Variants in FCRL6 observed in about 807,000 individuals in gnomAD.
FCRL6 encodes the protein Fc receptor like 6, also known as Fc receptor-like protein 6.
A neutral mutation model predicts 49.1 loss-of-function variants in FCRL6; 50 were observed. The observed-to-expected ratio is 1.02, with a 90% CI of 0.81 to 1.29. The LOEUF is 1.29. FCRL6 is among the 50% of genes most tolerant of loss of function. The pLI is 0.00. For synonymous variants in FCRL6, 213 were observed against 199.6 expected, an observed-to-expected ratio of 1.07 and a Z score of -0.57; for missense variants, 571 against 518.5, an observed-to-expected ratio of 1.10 and a Z score of -0.98.
chr1:159,801,040 G>T (rs183016802), upstream of FCRL6, among the ~76,000 whole-genome samples: 299 of 152,252 alleles, frequency 2.0e-3, no homozygotes, highest in African/African-American at 6.9e-3. Context: ...AAAAAAGAAA[G>T]AAAAGAAACA....
rs570974371 is a variant in FCRL6 at position 159,816,140 on chromosome 1, G to A, written c.*479G>A. The A allele has an allele frequency of 1.7e-5, 3 of 174,874 alleles. No homozygotes were observed. The highest frequency in any genetic ancestry group is 5.4e-5 in the Admixed American group (1 of 18,536). The allele number at this position is 174,874 out of a possible 1,614,324, so 10.8% of individuals were successfully genotyped here. On this transcript the variant is annotated 3_prime_UTR_variant, in exon 10 of 10. Coordinates refer to ENST00000368106, the MANE Select transcript of FCRL6 (RefSeq NM_001004310.3). ...AACACATTTCTCACGCGTTTGTGGT[G>A]ATGCTGGTACAAACAAGCTACAGCG...
chr1:159,804,960 C>A (rs150387703), intron 1 of FCRL6, among the ~76,000 whole-genome samples: 1 of 152,126 alleles, frequency 6.6e-6, no homozygotes, highest in Non-Finnish European at 1.5e-5. Flanking sequence ...CACAACTACA[C>A]TGTAAGAAAA....
intron 6 of FCRL6, among the ~76,000 whole-genome samples, chr1:159,813,045 G>A (rs1472194050): frequency 6.6e-6 from 1 of 152,184 alleles, no homozygotes; most frequent in Non-Finnish European, 1.5e-5. Flanking sequence ...ACCATTAGAC[G>A]CCAAAGAATT....
intron 2 of FCRL6, 129 bp downstream of exon 2, chr1:159,806,745 C>T: frequency 2.1e-6 from 2 of 935,856 alleles, no homozygotes; most frequent in Non-Finnish European, 3.5e-6. Context: ...AGGCCCCTTC[C>T]TCAGGAGTCT....
intron 1 of FCRL6, among the ~76,000 whole-genome samples, chr1:159,804,392 T>C (rs1439211031): frequency 1.3e-5 from 2 of 152,240 alleles, no homozygotes; most frequent in Non-Finnish European, 2.9e-5. Context: ...GATAAATATC[T>C]CCCGATCCCT....
chr1:159,812,927 T>A (rs1005943466), intron 6 of FCRL6, among the ~76,000 whole-genome samples: 1 of 152,222 alleles, frequency 6.6e-6, no homozygotes, highest in African/African-American at 2.4e-5. Flanking sequence ...ATTAAGATTC[T>A]GTCTCCACTA....
intron 8 of FCRL6, among the ~76,000 whole-genome samples, 197 bp from the exon 9 acceptor site, chr1:159,815,231 G>A (rs970533246): frequency 6.6e-6 from 1 of 152,208 alleles, no homozygotes; most frequent in African/African-American, 2.4e-5. Context: ...AGGACCTGAG[G>A]TCACACAGCT....
intron 8 of FCRL6, 77 bp from the exon 9 acceptor site, chr1:159,815,351 C>A: frequency 6.6e-7 from 1 of 1,508,676 alleles, no homozygotes; most frequent in Admixed American, 1.9e-5. Flanking sequence ...GGAAGATAGC[C>A]AGCCAGGAGG....
chr1:159,804,558 C>G (rs1217985790), intron 1 of FCRL6, among the ~76,000 whole-genome samples: 2 of 152,248 alleles, frequency 1.3e-5, no homozygotes, highest in East Asian at 3.8e-4. Flanking sequence ...ATGGAGGTCC[C>G]TGGGCCCTCA....
intron 1 of FCRL6, 22 bp from the exon 2 acceptor site, chr1:159,806,574 G>T (rs1571093955): frequency 2.5e-6 from 4 of 1,611,032 alleles, no homozygotes; most frequent in Non-Finnish European, 3.4e-6. Flanking sequence ...TAACCTAATT[G>T]TGTTACTTTG....
At chr1:159,804,793 A>AGCACTTTGTAGCT (rs1662571506) in intron 1 of FCRL6, among the ~76,000 whole-genome samples, 2 of 152,164 alleles carry the variant, frequency 1.3e-5, no homozygotes, top group African/African-American at 2.4e-5. Flanking sequence ...CTGTTTGTTT[A>AGCACTTTGTAGCT]GCACTTTGTA....
At chr1:159,806,558 G>A (rs759323376) in intron 1 of FCRL6, 38 bp from the exon 2 acceptor site, 1 of 1,602,674 alleles carries the variant, frequency 6.2e-7, no homozygotes, top group Non-Finnish European at 8.6e-7. Context: ...AGCTCTTTTT[G>A]CTACTTAACC....
rs147235429 is a variant in FCRL6, at chr1:159,808,980, G to A, written c.339G>A (p.Val113=). The change falls in exon 4 of 10, where the codon GTG becomes GTA. Residue 113 remains valine (V), a synonymous_variant. Coordinates refer to ENST00000368106, the MANE Select transcript of FCRL6 (RefSeq NM_001004310.3). ...CCCCAGAGCTGTTTCCACCTCCTGT[G>A]CTGAGTGCCATCCCCTCTCCTGAGC... ...VQVQELFPPP[V]LSAIPSPEPR... 1.5e-4 allele frequency: 234 copies of A among 1,611,476 alleles called. No homozygotes were observed. Among genetic ancestry groups the A allele is most frequent in the Non-Finnish European group, 1.9e-4 (224 of 1,178,614 alleles).
rs1303485140 is a variant in FCRL6, at chr1:159,810,221, G to A, written c.1009+5G>A. 3.1e-6 allele frequency: 5 copies of A among 1,610,592 alleles called. No homozygotes were observed. The highest frequency in any genetic ancestry group is 1.1e-5 in the South Asian group (1 of 90,588). On this transcript the variant is annotated splice_donor_5th_base_variant and intron_variant, in intron 6 of 9. Coordinates refer to ENST00000368106, the MANE Select transcript of FCRL6 (RefSeq NM_001004310.3). The stretch of plus-strand genomic sequence containing the variant: ...TGAGATCCTGGAGAAAAGCTGGTCA[G>A]TAACTCCTCTTGGCTTTCTTAGCTG...
rs770144156 is a variant in FCRL6 at position 159,815,642 on chromosome 1, G to C, written c.1286G>C (p.Cys429Ser). ...ACTCTCCAAGAACCCCTTAGCGACT[G>C]TGAGGAGGTTCTCTGCTAGTGATGG... The part of the protein sequence containing the change: ...SRTLQEPLSD[C>S]EEVLC The change falls in exon 10 of 10, where the codon TGT (cysteine) becomes TCT (serine). Residue 429 changes from cysteine to serine, a missense_variant. Physicochemically the swap from Cys to Ser is moderately radical, Grantham distance 112 (BLOSUM62 -1). Transcript: ENST00000368106. 2.5e-6 allele frequency: 4 copies of C among 1,614,158 alleles called. No individual in the cohort carries two copies. The highest frequency in any genetic ancestry group is 2.2e-5 in the South Asian group (2 of 91,084).
In FCRL6 at chr1:159,814,207, A is replaced by C. The variant is rs1663255026; in HGVS notation, c.1076-14A>C. The C allele has an allele frequency of 6.2e-7, 1 of 1,613,034 alleles. No individual in the cohort carries two copies. Among genetic ancestry groups the C allele is most frequent in the South Asian group, 1.1e-5 (1 of 91,056 alleles). ...GTCAGGAGGATCCTATTTAAGCCTC[A>C]TTCCTTCTTCCAGTGCATCACCAGA... is the stretch of plus-strand genomic sequence containing the variant. On this transcript the variant is annotated splice_polypyrimidine_tract_variant and intron_variant, in intron 7 of 9. Coordinates refer to ENST00000368106, the MANE Select transcript of FCRL6 (RefSeq NM_001004310.3).
upstream of FCRL6, among the ~76,000 whole-genome samples, chr1:159,801,208 A>T (rs1424144443): frequency 6.6e-6 from 1 of 152,210 alleles, no homozygotes; most frequent in Non-Finnish European, 1.5e-5. Flanking sequence ...TGATGCTGCT[A>T]TGAGCACTCT....
chr1:159,801,480 C>G (rs1297858310), upstream of FCRL6, among the ~76,000 whole-genome samples: 1 of 152,222 alleles, frequency 6.6e-6, no homozygotes, highest in Non-Finnish European at 1.5e-5. Context: ...GCTGGTATCA[C>G]TCCCTTATTC....
In FCRL6 at chr1:159,813,477, T is replaced by G; in HGVS notation, c.1010-12T>G. The G allele has an allele frequency of 6.2e-7, 1 of 1,612,062 alleles. No individual in the cohort carries two copies. Among genetic ancestry groups the G allele is most frequent in the Non-Finnish European group, 8.5e-7 (1 of 1,178,174 alleles). ...AGGGACACCCAGTGAATCATGCCCTTGTATCTCCTAGGGCCCCTTCCATCC... is the reference window on the plus strand; with the variant it reads ...AGGGACACCCAGTGAATCATGCCCTGGTATCTCCTAGGGCCCCTTCCATCC... On this transcript the variant is annotated splice_polypyrimidine_tract_variant and intron_variant, in intron 6 of 9. Transcript: ENST00000368106.
Sources: gnomAD v4.1 joint callset for allele counts (sites outside exome capture counted in the v4.1 genomes callset) on GRCh38, gnomAD v4.1.1 for gene constraint, MANE v1.5 for transcripts, NCBI Gene and HGNC (gene_info 2026-07-23, HGNC 2026-07-21) for gene names.